The following MAP4K5 variants were observed in gnomAD, a reference collection of about 807,000 sequenced individuals.
MAP4K5 encodes MAPK/ERK kinase kinase kinase 5.
In MAP4K5, 82 loss-of-function variants were observed where a neutral mutation model predicts 135.6. The ratio of observed to expected loss-of-function variants is 0.60; its 90% CI spans 0.51 to 0.73. The LOEUF (loss-of-function observed/expected upper bound fraction) is 0.73, where lower values mean the gene tolerates loss of function less well. Among genes scored for constraint, MAP4K5 ranks in the 30% least tolerant of loss-of-function variants. The pLI is 0.00. For synonymous variants in MAP4K5, 347 were observed against 335.0 expected, an observed-to-expected ratio of 1.04 and a Z score of -0.39; for missense variants, 907 against 1,010.9, an observed-to-expected ratio of 0.90 and a Z score of 1.39.
intron 1 of MAP4K5, among the ~76,000 whole-genome samples, chr14:50,558,676 C>A (rs998988113): frequency 6.6e-6 from 1 of 152,048 alleles, no homozygotes; most frequent in Non-Finnish European, 1.5e-5. Context: ...CTATTGTACT[C>A]TTAAAAATGG....
intron 3 of MAP4K5, among the ~76,000 whole-genome samples, chr14:50,487,812 C>A (rs562138986): frequency 4.1e-4 from 62 of 152,216 alleles, no homozygotes; most frequent in African/African-American, 1.4e-3. Context: ...CTCGCGGGCA[C>A]CAGAATACTT....
At chr14:50,556,364 C>T (rs2140167571) in intron 1 of MAP4K5, among the ~76,000 whole-genome samples, 1 of 151,984 alleles carries the variant, frequency 6.6e-6, no homozygotes, top group East Asian at 1.9e-4. Context: ...TGCAGGTGCA[C>T]ATCACTGCAC....
chr14:50,492,700 G>T (rs2037510411), intron 3 of MAP4K5, among the ~76,000 whole-genome samples: 1 of 152,066 alleles, frequency 6.6e-6, no homozygotes, highest in Non-Finnish European at 1.5e-5. Flanking sequence ...GATATATCTG[G>T]TTGAGAAGTT....
rs183952135 is a variant in MAP4K5, at chr14:50,546,408, G to A, written c.-179-3824C>T. On this transcript the variant is annotated intron_variant, in intron 1 of 8. Transcript: ENST00000555216. ...TGTGTGTGTGTGAGAGAGCATACAT[G>A]TTTATGTTTATATGTATGTACATGT... Among the ~76,000 whole-genome samples, 6 of 152,072 alleles carry A rather than the reference G, an allele frequency of 3.9e-5. No homozygotes were observed. The East Asian group carries it at 1.2e-3, about 29-fold the overall frequency.
Position 50,539,099 on chromosome 14 carries a change from A to G in MAP4K5, c.-94+3400T>C, listed in dbSNP as rs146114408. ...TTAGTCTCAGAAAAGAGACTCTCAA[A>G]ATGGCTTTCTAGGATGATATCACTC... is the stretch of plus-strand genomic sequence containing the variant. On this transcript the variant is annotated intron_variant, in intron 2 of 8. Transcript: ENST00000555216. 2.6e-3 allele frequency among the ~76,000 whole-genome samples: 403 copies of G among 152,308 alleles called. 1 individual carries two copies. The highest frequency in any genetic ancestry group is 9.1e-3 in the African/African-American group (380 of 41,562).
upstream of MAP4K5, among the ~76,000 whole-genome samples, chr14:50,534,476 C>T (rs990672847): frequency 4.6e-5 from 7 of 152,158 alleles, no homozygotes; most frequent in East Asian, 3.8e-4. Flanking sequence ...CAGTTTGAGA[C>T]GAGGACAAAT....
At chr14:50,501,171 C>T (rs1225256950) in intron 3 of MAP4K5, among the ~76,000 whole-genome samples, 1 of 152,002 alleles carries the variant, frequency 6.6e-6, no homozygotes, top group Non-Finnish European at 1.5e-5. Context: ...GCTAAAATCC[C>T]CAAATAAACC....
chr14:50,420,008 G>A lies in MAP4K5; in HGVS notation c.*11C>T, dbSNP rs759369306. The A allele has an allele frequency of 6.3e-7, 1 of 1,578,706 alleles. No homozygotes were observed. The highest frequency in any genetic ancestry group is 1.3e-5 in the African/African-American group (1 of 74,410). Reference sequence around the variant, plus strand: ...TTCATTTTCCTGTCATTTGAGATCAGTTTCTGTTGCTTAGTAACTATTTTC... The same window carrying A: ...TTCATTTTCCTGTCATTTGAGATCAATTTCTGTTGCTTAGTAACTATTTTC... On this transcript the variant is annotated 3_prime_UTR_variant, in exon 33 of 33. Transcript: ENST00000682126.
At chr14:50,485,444 T>C (rs1033443981) in intron 5 of MAP4K5, 134 bp downstream of exon 5, 36 of 598,666 alleles carry the variant, frequency 6.0e-5, no homozygotes, top group African/African-American at 5.5e-4. Flanking sequence ...CAGATTTCTG[T>C]TATGCAGTGC....
At chr14:50,537,381 G>A (rs186684036), upstream of MAP4K5, among the ~76,000 whole-genome samples, 12 of 152,224 alleles carry the variant, frequency 7.9e-5, no homozygotes, top group Non-Finnish European at 1.6e-4. Flanking sequence ...TTCTGCAGGG[G>A]TAGTGCCCTC....
At position 50,425,905 on chromosome 14, in the gene MAP4K5, AC is replaced by A. The variant is rs1222101552; in HGVS notation, c.2397+1del. 6.2e-7 allele frequency: 1 copy of A among 1,608,918 alleles called. No homozygotes were observed. The highest frequency in any genetic ancestry group is 2.2e-5 in the East Asian group (1 of 44,788). ...CAGTGGAGGTAATCTGAGAAGGCTT[AC>A]CTCATCTGACTTGAAGCTTTTACCC... On this transcript the variant is annotated splice_donor_variant, in intron 31 of 32. Coordinates refer to ENST00000682126, the MANE Select transcript of MAP4K5 (RefSeq NM_006575.6). LOFTEE classifies it high-confidence loss of function.
chr14:50,547,014 T>G (rs986436792), intron 1 of MAP4K5, among the ~76,000 whole-genome samples: 3 of 152,020 alleles, frequency 2.0e-5, no homozygotes, highest in Admixed American at 2.0e-4. Flanking sequence ...CAGGCCCTGG[T>G]GTTTCTCACT....
At chr14:50,429,614 T>C (rs765058999) in intron 28 of MAP4K5, among the ~76,000 whole-genome samples, 4 of 152,212 alleles carry the variant, frequency 2.6e-5, no homozygotes, top group Non-Finnish European at 4.4e-5. Context: ...GCATTTTATA[T>C]AGCCAATGGG....
chr14:50,433,425 A>G (rs2036019464), intron 28 of MAP4K5, among the ~76,000 whole-genome samples: 1 of 152,186 alleles, frequency 6.6e-6, no homozygotes, highest in African/African-American at 2.4e-5. Flanking sequence ...GAAATTGGCC[A>G]TGGGTGGAGT....
chr14:50,560,600 C>T, intron 1 of MAP4K5: 1 of 442,922 alleles, frequency 2.3e-6, no homozygotes, highest in Non-Finnish European at 4.2e-6. Context: ...CCAGGCGCCT[C>T]CGGGGACTTG....
intron 3 of MAP4K5, among the ~76,000 whole-genome samples, chr14:50,504,469 A>C (rs981092526): frequency 1.3e-5 from 2 of 152,128 alleles, no homozygotes; most frequent in Non-Finnish European, 1.5e-5. Flanking sequence ...ATTATCCCAA[A>C]TATTCACCCC....
Position 50,447,480 on chromosome 14 carries a change from C to G in MAP4K5, c.1076G>C (p.Gly359Ala). 1 of 1,525,950 alleles carries G rather than the reference C, an allele frequency of 6.6e-7. No homozygotes were observed. The allele number at this position is 1,525,950 out of a possible 1,614,324, so 94.5% of individuals were successfully genotyped here. The change falls in exon 16 of 33, where the codon GGA becomes GCA. Residue 359 changes from glycine (G) to alanine (A), a missense_variant and splice_region_variant. By Grantham distance (60) the Gly-to-Ala change is moderately conservative. Around this residue, in one of 3 missense-constraint regions of MAP4K5, gnomAD observed 690 missense variants for 777.4 expected, o/e 0.89. Transcript: ENST00000682126. Reference protein sequence around the residue: ...RKETEARDEMGLSSDPNFMLQ... With the variant: ...RKETEARDEMALSSDPNFMLQ... Reference sequence around the variant, plus strand: ...CATGAAATTTGGGTCTGATGACAATCCCTGTAAAGATAAAAATATAGTTTA... The same window carrying G: ...CATGAAATTTGGGTCTGATGACAATGCCTGTAAAGATAAAAATATAGTTTA...
At chr14:50,514,851 T>G (rs2038000014) in intron 2 of MAP4K5, among the ~76,000 whole-genome samples, 1 of 151,110 alleles carries the variant, frequency 6.6e-6, no homozygotes, top group Non-Finnish European at 1.5e-5. Flanking sequence ...GGACAGAATG[T>G]ATCACCGCCT....
chr14:50,550,890 A>T (rs6572674), intron 1 of MAP4K5, among the ~76,000 whole-genome samples: 1 of 152,106 alleles, frequency 6.6e-6, no homozygotes, highest in African/African-American at 2.4e-5. Context: ...TGGGATACAG[A>T]AAAAATGGTG....
Sources: gnomAD v4.1 joint callset for allele counts (sites outside exome capture counted in the v4.1 genomes callset) on GRCh38, gnomAD v4.1.1 for gene constraint, gnomAD v4.1.1 regional missense constraint, MANE v1.5 for transcripts, NCBI Gene and HGNC (gene_info 2026-07-23, HGNC 2026-07-21) for gene names.